Variants in C8orf34 observed in about 807,000 individuals in gnomAD.
C8orf34 encodes the protein uncharacterized protein C8orf34.
Under a neutral mutation model 68.3 loss-of-function variants are expected in C8orf34, and 65 were observed. The ratio of observed to expected loss-of-function variants is 0.95; its 90% CI spans 0.78 to 1.17. C8orf34 has a LOEUF of 1.17. C8orf34 is among the 50% of genes most tolerant of loss of function. The probability of loss-of-function intolerance (pLI) is 0.00; values close to 1 mark genes in which losing one functional copy is unlikely to be tolerated. For missense variants in C8orf34, 664 were observed against 655.4 expected (o/e 1.01, Z -0.14); for synonymous variants, 244 against 241.2 (o/e 1.01, Z -0.11).
At chr8:68,373,798 C>A (rs1051790091) in intron 1 of C8orf34, among the ~76,000 whole-genome samples, 1 of 152,154 alleles carries the variant, frequency 6.6e-6, no homozygotes, top group Non-Finnish European at 1.5e-5. Context: ...CTTGATATAT[C>A]ATATACCAAG....
intron 1 of C8orf34, 152 bp downstream of exon 1, chr8:68,331,491 C>G: frequency 1.2e-6 from 1 of 855,350 alleles, no homozygotes; most frequent in Non-Finnish European, 1.9e-6. Context: ...CTGGCATTCG[C>G]TCTGTCCCGG....
At chr8:68,651,415 C>T (rs562736752) in intron 8 of C8orf34, among the ~76,000 whole-genome samples, 1 of 152,264 alleles carries the variant, frequency 6.6e-6, no homozygotes, top group Non-Finnish European at 1.5e-5. Context: ...TTTGCTGTGG[C>T]CTTCATTCAG....
At chr8:68,377,211 G>A (rs1174749334) in intron 1 of C8orf34, among the ~76,000 whole-genome samples, 1 of 151,934 alleles carries the variant, frequency 6.6e-6, no homozygotes, top group African/African-American at 2.4e-5. Flanking sequence ...GGGCAACATG[G>A]CAAAACCTGG....
chr8:68,493,710 G>A (rs990193509), intron 5 of C8orf34, among the ~76,000 whole-genome samples: 2 of 152,178 alleles, frequency 1.3e-5, no homozygotes, highest in South Asian at 4.1e-4. Context: ...ATTAGGCCAT[G>A]AGGGATCCAC....
Position 68,661,332 on chromosome 8 carries a change from G to A in C8orf34, c.1241+20821G>A, listed in dbSNP as rs192633985. On this transcript the variant is annotated intron_variant, in intron 8 of 13. Transcript: ENST00000518698. ...GCTCGGAAATGAAAAAGTGAAAGAGGTTTCTTCTTGGGTCTGCATTTTACT... is the reference window on the plus strand; with the variant it reads ...GCTCGGAAATGAAAAAGTGAAAGAGATTTCTTCTTGGGTCTGCATTTTACT... Among the ~76,000 whole-genome samples the A allele has an allele frequency of 2.6e-5, 4 of 152,242 alleles. No individual in the cohort carries two copies. In the East Asian group the frequency reaches 7.7e-4, roughly 29 times the overall value.
intron 1 of C8orf34, among the ~76,000 whole-genome samples, chr8:68,418,727 G>A (rs1288366439): frequency 6.6e-6 from 1 of 152,014 alleles, no homozygotes; most frequent in Admixed American, 6.6e-5. Context: ...ACAAGCAATG[G>A]GGAAAGGATT....
At chr8:68,519,152 T>C (rs1814645446) in intron 5 of C8orf34, among the ~76,000 whole-genome samples, 1 of 152,178 alleles carries the variant, frequency 6.6e-6, no homozygotes, top group African/African-American at 2.4e-5. Flanking sequence ...TATCAGATTC[T>C]TTAGCTTCCT....
intron 10 of C8orf34, among the ~76,000 whole-genome samples, chr8:68,727,000 C>T (rs1472226762): frequency 6.6e-6 from 1 of 152,164 alleles, no homozygotes; most frequent in Non-Finnish European, 1.5e-5. Context: ...ATCACACCTT[C>T]CCAGCAGTGC....
chr8:68,506,679 A>T (rs578143792), intron 5 of C8orf34, among the ~76,000 whole-genome samples: 8 of 152,356 alleles, frequency 5.3e-5, no homozygotes, highest in African/African-American at 1.9e-4. Flanking sequence ...CTTTTTAAAT[A>T]GTGCCTTCTA....
At chr8:68,693,981 T>C (rs1820757087) in intron 8 of C8orf34, among the ~76,000 whole-genome samples, 1 of 152,110 alleles carries the variant, frequency 6.6e-6, no homozygotes, top group South Asian at 2.1e-4. Flanking sequence ...CTATTTTCTT[T>C]TCAAATGAAT....
chr8:68,588,718 A>G (rs916633730), intron 7 of C8orf34, among the ~76,000 whole-genome samples: 1 of 152,212 alleles, frequency 6.6e-6, no homozygotes, highest in Non-Finnish European at 1.5e-5. Context: ...GTTTCATTTT[A>G]CATGGCACTC....
chr8:68,622,174 C>T (rs1818406264), intron 7 of C8orf34, among the ~76,000 whole-genome samples: 1 of 152,228 alleles, frequency 6.6e-6, no homozygotes, highest in African/African-American at 2.4e-5. Context: ...CCCAGTATTG[C>T]AACTTGTTTC....
At chr8:68,740,783 T>C (rs906454125) in intron 10 of C8orf34, among the ~76,000 whole-genome samples, 2 of 152,002 alleles carry the variant, frequency 1.3e-5, no homozygotes, top group African/African-American at 4.8e-5. Flanking sequence ...AAAACACATA[T>C]GTTCATTGCA....
At chr8:68,749,880 G>A (rs1822651128) in intron 10 of C8orf34, among the ~76,000 whole-genome samples, 1 of 152,090 alleles carries the variant, frequency 6.6e-6, no homozygotes, top group African/African-American at 2.4e-5. Context: ...ATGAGTTGGT[G>A]GACATTTGGA....
chr8:68,613,895 C>G (rs534950452), intron 7 of C8orf34, among the ~76,000 whole-genome samples: 86 of 152,176 alleles, frequency 5.7e-4, no homozygotes, highest in Middle Eastern at 3.4e-3. Flanking sequence ...AACTAGTTTA[C>G]AGTCCCACCA....
chr8:68,391,987 A>T (rs1207211541), intron 1 of C8orf34, among the ~76,000 whole-genome samples: 1 of 152,178 alleles, frequency 6.6e-6, no homozygotes, highest in Non-Finnish European at 1.5e-5. Context: ...ATGAATGCTG[A>T]ATTGTTCATA....
chr8:68,470,332 G>C (rs1812329135), intron 4 of C8orf34, among the ~76,000 whole-genome samples: 1 of 152,050 alleles, frequency 6.6e-6, no homozygotes, highest in South Asian at 2.1e-4. Context: ...GAATGTGTCT[G>C]ATCATTGTAA....
chr8:68,699,447 T>G lies in C8orf34; in HGVS notation c.1242-9547T>G, dbSNP rs752743798. Among the ~76,000 whole-genome samples, 40 of 152,064 alleles carry G rather than the reference T, an allele frequency of 2.6e-4. 1 individual carries two copies. The highest frequency in any genetic ancestry group is 9.2e-4 in the African/African-American group (38 of 41,422). On this transcript the variant is annotated intron_variant, in intron 8 of 13. Transcript: ENST00000518698. Reference sequence around the variant, plus strand: ...TTAGCTCCAGAGCATGCTGGCCATATGAACATAATCCTTTCTTTGGGCTGC... The same window carrying G: ...TTAGCTCCAGAGCATGCTGGCCATAGGAACATAATCCTTTCTTTGGGCTGC...
At chr8:68,624,449 A>G (rs536530450) in intron 7 of C8orf34, among the ~76,000 whole-genome samples, 7 of 152,330 alleles carry the variant, frequency 4.6e-5, no homozygotes, top group African/African-American at 1.7e-4. Flanking sequence ...CGGTATGTAC[A>G]TAAAAGCTGA....
Sources: allele counts gnomAD v4.1 joint callset (sites outside exome capture counted in the v4.1 genomes callset), GRCh38; gene constraint gnomAD v4.1.1; transcripts MANE v1.5; gene names NCBI Gene and HGNC (gene_info 2026-07-23, HGNC 2026-07-21).